The following NBAS variants were observed in gnomAD, a reference collection of about 807,000 sequenced individuals.
NBAS encodes the protein NAG/BC035112 fusion.
NBAS carries 219 observed loss-of-function variants against 302.5 expected under a neutral mutation model. The observed-to-expected ratio is 0.72, with a 90% CI of 0.65 to 0.81. The LOEUF is 0.81. NBAS is among the 30% of genes least tolerant of loss of function. NBAS has a pLI of 0.00. For synonymous variants in NBAS, 1,118 were observed against 1,021.6 expected, an observed-to-expected ratio of 1.09 and a Z score of -1.80; for missense variants, 2,932 against 2,841.6, an observed-to-expected ratio of 1.03 and a Z score of -0.72.
chr2:14,995,729 C>T, the NBAS span, among the ~76,000 whole-genome samples: 1 of 152,158 alleles, frequency 6.6e-6, no homozygotes, highest in African/African-American at 2.4e-5. Context: ...GAACTTCCCC[C>T]TTTTTTGATG....
At chr2:14,971,501 C>T in the NBAS span, among the ~76,000 whole-genome samples, 6 of 152,112 alleles carry the variant, frequency 3.9e-5, no homozygotes, top group South Asian at 4.1e-4. Flanking sequence ...GGCGACAGAG[C>T]GAGACTCTGT....
the NBAS span, among the ~76,000 whole-genome samples, chr2:14,893,473 T>G: frequency 6.6e-6 from 1 of 152,230 alleles, no homozygotes; most frequent in Non-Finnish European, 1.5e-5. Flanking sequence ...AAAACAAATA[T>G]GTTTGCAGCT....
intron 35 of NBAS, among the ~76,000 whole-genome samples, chr2:15,335,922 T>A (rs765729869): frequency 1.3e-5 from 2 of 151,120 alleles, no homozygotes; most frequent in Middle Eastern, 6.8e-3. Flanking sequence ...AAGACTCCCA[T>A]CTCCACAAAA....
At chr2:15,030,835 A>T in the NBAS span, among the ~76,000 whole-genome samples, 1 of 151,944 alleles carries the variant, frequency 6.6e-6, no homozygotes, top group African/African-American at 2.4e-5. Context: ...TATCAATATC[A>T]CCCCCTCTCC....
chr2:15,068,720 C>A, the NBAS span, among the ~76,000 whole-genome samples: 1 of 152,208 alleles, frequency 6.6e-6, no homozygotes, highest in Non-Finnish European at 1.5e-5. Context: ...CTGGCAGCAC[C>A]ATCCAAAAAC....
chr2:15,115,796 G>T, the NBAS span, among the ~76,000 whole-genome samples: 1 of 152,076 alleles, frequency 6.6e-6, no homozygotes, highest in African/African-American at 2.4e-5. Context: ...ACAGGTGTGA[G>T]TCACCATGCC....
intron 35 of NBAS, among the ~76,000 whole-genome samples, chr2:15,339,155 T>A (rs1004227759): frequency 1.4e-4 from 21 of 151,960 alleles, no homozygotes; most frequent in African/African-American, 3.6e-4. Flanking sequence ...TAAGGTATAT[T>A]TTTTTTTCCA....
chr2:15,116,503 ATGACCTTATT>A, the NBAS span, among the ~76,000 whole-genome samples: 1 of 152,042 alleles, frequency 6.6e-6, no homozygotes, highest in Admixed American at 6.5e-5. Context: ...GATCCCCCTT[ATGACCTTATT>A]TGACCTTAAT....
At chr2:15,084,691 G>GGGGGGGGGGGGT in the NBAS span, among the ~76,000 whole-genome samples, 1 of 148,576 alleles carries the variant, frequency 6.7e-6, no homozygotes, top group African/African-American at 2.6e-5. Context: ...GCGGGGCGGG[G>GGGGGGGGGGGGT]GGGGTTCCTT....
At chr2:15,473,474 T>C (rs771017266) in intron 15 of NBAS, 127 bp from the exon 16 acceptor site, 164 of 1,213,428 alleles carry the variant, frequency 1.4e-4, no homozygotes, top group Non-Finnish European at 1.9e-4. Context: ...CTGTGCACTG[T>C]GGCACCAGAA....
At chr2:14,951,271 G>T in the NBAS span, among the ~76,000 whole-genome samples, 1 of 152,114 alleles carries the variant, frequency 6.6e-6, no homozygotes, top group East Asian at 1.9e-4. Context: ...ATCCAGAAAC[G>T]GAACAAATCA....
intron 9 of NBAS, among the ~76,000 whole-genome samples, chr2:15,525,777 G>A (rs1342529325): frequency 6.6e-6 from 1 of 152,032 alleles, no homozygotes; most frequent in Non-Finnish European, 1.5e-5. Context: ...AACAAAATCA[G>A]ATGTTGCTTA....
intron 12 of NBAS, among the ~76,000 whole-genome samples, chr2:15,482,724 T>C (rs1680480056): frequency 1.3e-5 from 2 of 151,922 alleles, no homozygotes; most frequent in South Asian, 4.2e-4. Flanking sequence ...CTTTCCTGGA[T>C]CTCTAACTAT....
At chr2:14,858,229 A>G in the NBAS span, among the ~76,000 whole-genome samples, 9 of 152,168 alleles carry the variant, frequency 5.9e-5, no homozygotes, top group African/African-American at 2.2e-4. Flanking sequence ...GAATTAGTAC[A>G]ACCACTATGG....
At chr2:14,890,945 T>TA in the NBAS span, 2 of 152,240 alleles carry the variant, frequency 1.3e-5, no homozygotes, top group Non-Finnish European at 2.9e-5. Flanking sequence ...CATTGGTAAA[T>TA]AAAAAGATTA....
At chr2:15,304,848 T>G (rs1277157484) in intron 40 of NBAS, among the ~76,000 whole-genome samples, 1 of 152,132 alleles carries the variant, frequency 6.6e-6, no homozygotes, top group Non-Finnish European at 1.5e-5. Flanking sequence ...AAGCAATCAG[T>G]TTTATGCATT....
At chr2:14,811,093 T>C in the NBAS span, among the ~76,000 whole-genome samples, 3 of 151,996 alleles carry the variant, frequency 2.0e-5, no homozygotes, top group Non-Finnish European at 2.9e-5. Flanking sequence ...TGATATAGGG[T>C]TTTAAACAGG....
intron 11 of NBAS, among the ~76,000 whole-genome samples, chr2:15,499,629 GGAGGGAGAGGATGA>G (rs1409591371): frequency 7.2e-5 from 11 of 152,142 alleles, no homozygotes; most frequent in Non-Finnish European, 1.3e-4. Context: ...GAGGGTGGGA[GGAGGGAGAGGATGA>G]GGAAAAATAA....
At chr2:15,553,232 G>A (rs1046388070) in intron 5 of NBAS, among the ~76,000 whole-genome samples, 194 bp downstream of exon 5, 1 of 152,208 alleles carries the variant, frequency 6.6e-6, no homozygotes, top group Non-Finnish European at 1.5e-5. Flanking sequence ...GAAGGAGAAA[G>A]ATAAGCATAT....
Sources: allele counts gnomAD v4.1 joint callset (sites outside exome capture counted in the v4.1 genomes callset), GRCh38; gene constraint gnomAD v4.1.1; transcripts MANE v1.5; gene names NCBI Gene and HGNC (gene_info 2026-07-23, HGNC 2026-07-21).